Variants in LTBP2 observed in about 807,000 individuals in gnomAD.
The protein encoded by LTBP2 is latent transforming growth factor beta binding protein 2, also known as latent-transforming growth factor beta-binding protein 2.
A neutral mutation model predicts 210.6 loss-of-function variants in LTBP2; 103 were observed. That is an observed-to-expected ratio of 0.49 (90% CI 0.42 to 0.58). The LOEUF (loss-of-function observed/expected upper bound fraction) is 0.58. LTBP2 is among the 20% of genes least tolerant of loss of function. The pLI, the probability that LTBP2 is intolerant of heterozygous loss-of-function variation, is 0.00. For missense variants in LTBP2, 2,313 were observed against 2,494.5 expected (o/e 0.93, Z 1.55); for synonymous variants, 1,007 against 1,015.0 (o/e 0.99, Z 0.15).
intron 34 of LTBP2, among the ~76,000 whole-genome samples, chr14:74,502,281 G>C (rs1370788346): frequency 6.6e-6 from 1 of 152,170 alleles, no homozygotes. Context: ...CCACACTTCA[G>C]GTCACAAGTG....
At chr14:74,563,401 A>T (rs531458389) in intron 3 of LTBP2, among the ~76,000 whole-genome samples, 1 of 152,322 alleles carries the variant, frequency 6.6e-6, no homozygotes, top group African/African-American at 2.4e-5. Context: ...ACAGAATGAA[A>T]ACAACTTAAG....
chr14:74,581,157 C>T (rs1328871497), intron 3 of LTBP2, among the ~76,000 whole-genome samples: 1 of 152,182 alleles, frequency 6.6e-6, no homozygotes, highest in Non-Finnish European at 1.5e-5. Context: ...TAGGGCCACC[C>T]TTGTGGCAAG....
In LTBP2 at chr14:74,515,952, C is replaced by T. The variant is rs188119244; in HGVS notation, c.2908+870G>A. ...CTCTCCCCTTTGCTTCTCTGGACTT[C>T]GCTTCCATGGTAGTGGTATTGGGAA... On this transcript the variant is annotated intron_variant, in intron 18 of 35. Coordinates refer to ENST00000261978, the MANE Select transcript of LTBP2 (RefSeq NM_000428.3). Among the ~76,000 whole-genome samples the T allele has an allele frequency of 4.6e-5, 7 of 152,334 alleles. No homozygotes were observed. In the East Asian group the frequency reaches 5.8e-4, roughly 13 times the overall value.
At chr14:74,551,371 C>G in intron 6 of LTBP2, 21 bp from the exon 7 acceptor site, 1 of 1,540,770 alleles carries the variant, frequency 6.5e-7, no homozygotes, top group Non-Finnish European at 8.8e-7. Context: ...GGGCTAGAGT[C>G]AGAGCCAGGG....
chr14:74,506,665 G>A (rs1261076963), intron 27 of LTBP2, 33 bp downstream of exon 27: 1 of 1,610,954 alleles, frequency 6.2e-7, no homozygotes, highest in Admixed American at 1.7e-5. Context: ...CCCTTCCCTG[G>A]CCCAGACCTT....
intron 3 of LTBP2, among the ~76,000 whole-genome samples, chr14:74,573,543 C>G (rs61980909): frequency 0.38 from 57,983 of 151,828 alleles, 12,749 homozygotes; most frequent in Non-Finnish European, 0.5. Context: ...CACCAGAGGC[C>G]GCAGCCCTGT....
chr14:74,533,813 C>T (rs2087383079), intron 9 of LTBP2, among the ~76,000 whole-genome samples: 3 of 152,172 alleles, frequency 2.0e-5, no homozygotes, highest in African/African-American at 7.2e-5. Flanking sequence ...GAAGTCTCAG[C>T]CCTCACAATC....
chr14:74,603,882 G>C (rs190501497), intron 1 of LTBP2, among the ~76,000 whole-genome samples, 177 bp from the exon 2 acceptor site: 41 of 152,206 alleles, frequency 2.7e-4, no homozygotes, highest in African/African-American at 9.6e-4. Flanking sequence ...GCCATTCTCT[G>C]CACATCCCTG....
At position 74,508,617 on chromosome 14, in the gene LTBP2, G is replaced by A; in HGVS notation, c.3639C>T (p.Gly1213=). 6.2e-7 allele frequency: 1 copy of A among 1,608,684 alleles called. No individual in the cohort carries two copies. Among genetic ancestry groups the A allele is most frequent in the Non-Finnish European group, 8.5e-7 (1 of 1,179,820 alleles). Reference sequence around the variant, plus strand: ...CTGGCTTCTCACCCTGGCAGCTGGTGCCCCCCTCTGCGCTGACGAAGCCAG... The same window carrying A: ...CTGGCTTCTCACCCTGGCAGCTGGTACCCCCCTCTGCGCTGACGAAGCCAG... ...CAPGFVSAEG[G]TSCQDVDECA... Residue 1213 remains glycine (G), a synonymous_variant, in exon 24 of 36, where the codon GGC becomes GGT. Transcript: ENST00000261978.
chr14:74,535,834 G>A, intron 9 of LTBP2, 92 bp downstream of exon 9: 1 of 1,138,520 alleles, frequency 8.8e-7, no homozygotes, highest in East Asian at 2.4e-5. Flanking sequence ...ACTCAGTGGA[G>A]ACCACTCGGC....
At chr14:74,540,890 TATATTAAAAATA>T (rs2087497998) in intron 8 of LTBP2, among the ~76,000 whole-genome samples, 1 of 108,260 alleles carries the variant, frequency 9.2e-6, no homozygotes, top group Non-Finnish European at 1.8e-5. Flanking sequence ...ATATATATTA[TATATTAAAAATA>T]TATATATTTA....
At chr14:74,521,314 T>G (rs1012961530) in intron 17 of LTBP2, among the ~76,000 whole-genome samples, 1 of 152,208 alleles carries the variant, frequency 6.6e-6, no homozygotes, top group Non-Finnish European at 1.5e-5. Context: ...TTATATTATT[T>G]GTGAACTTAA....
chr14:74,605,628 T>G (rs1045071825), intron 1 of LTBP2, among the ~76,000 whole-genome samples: 6 of 152,158 alleles, frequency 3.9e-5, no homozygotes, highest in South Asian at 4.1e-4. Flanking sequence ...GGGAATTTTC[T>G]AAGAATTAGG....
Position 74,586,225 on chromosome 14 carries a change from G to A in LTBP2, c.566-107C>T, listed in dbSNP as rs1379594093. 16 of 1,297,338 alleles carry A rather than the reference G, an allele frequency of 1.2e-5. No homozygotes were observed. Among genetic ancestry groups the A allele is most frequent in the African/African-American group, 2.9e-5 (2 of 67,920 alleles). The allele number at this position is 1,297,338 out of a possible 1,614,324, so 80.4% of individuals were successfully genotyped here. ...CCCTCCTGAGTGCTGCAACCCTGTC[G>A]CTCAAGCAGGAAGCCACTCTCCTGG... is the stretch of plus-strand genomic sequence containing the variant. On this transcript the variant is annotated intron_variant, in intron 2 of 35. Transcript: ENST00000261978. This position sits in a 1 kb window ranked among gnomAD's most constrained non-coding sequence, Gnocchi z 4.6.
Position 74,498,530 on chromosome 14 carries a change from TA to T in LTBP2, c.*2353del, listed in dbSNP as rs896187750. The T allele has an allele frequency of 3.6e-4, 79 of 222,260 alleles. No individual in the cohort carries two copies. The highest frequency in any genetic ancestry group is 5.2e-4 in the East Asian group (8 of 15,372). 13.8% of individuals were successfully genotyped at this position (222,260 alleles called of 1,614,324 possible). On this transcript the variant is annotated 3_prime_UTR_variant, in exon 36 of 36. Coordinates refer to ENST00000261978, the MANE Select transcript of LTBP2 (RefSeq NM_000428.3). ...AATGAGGCAGCTCTAATTGCAAGTA[TA>T]AAAAAAAAGCAAAGTGCAGAACAGC...
At position 74,549,766 on chromosome 14, in the gene LTBP2, C is replaced by A. The variant is rs1011091453; in HGVS notation, c.1789+97G>T. ...CAGTTTACCAGCCTGTTCTACCTGCCTGGCCTCTGACATCCTGGAGGGGAA... is the reference window on the plus strand; with the variant it reads ...CAGTTTACCAGCCTGTTCTACCTGCATGGCCTCTGACATCCTGGAGGGGAA... On this transcript the variant is annotated intron_variant, in intron 8 of 35. Transcript: ENST00000261978. The A allele has an allele frequency of 2.3e-5, 23 of 1,010,588 alleles. No homozygotes were observed. The African/African-American group carries it at 3.5e-4, about 15-fold the overall frequency. The allele number at this position is 1,010,588 out of a possible 1,614,324, so 62.6% of individuals were successfully genotyped here.
At chr14:74,538,892 G>C (rs2087457145) in intron 8 of LTBP2, among the ~76,000 whole-genome samples, 1 of 152,236 alleles carries the variant, frequency 6.6e-6, no homozygotes, top group Non-Finnish European at 1.5e-5. Context: ...GGAAAGATGA[G>C]AGTGAGGCTG....
At chr14:74,595,603 C>A (rs1469469921) in intron 2 of LTBP2, among the ~76,000 whole-genome samples, 1 of 152,170 alleles carries the variant, frequency 6.6e-6, no homozygotes, top group East Asian at 1.9e-4. Context: ...GCACCAGCCC[C>A]GCGCCCAGGC....
rs143502322 is a variant in LTBP2, at chr14:74,556,800, G to A, written c.831-1107C>T. Among the ~76,000 whole-genome samples, 207 of 152,314 alleles carry A rather than the reference G, an allele frequency of 1.4e-3. 4 individuals are homozygous for A. The highest frequency in any genetic ancestry group is 3.9e-4 in the East Asian group (2 of 5,176). On this transcript the variant is annotated intron_variant, in intron 3 of 35. Coordinates refer to ENST00000261978, the MANE Select transcript of LTBP2 (RefSeq NM_000428.3). Reference sequence around the variant, plus strand: ...CCCAAAGTGTTGGGATTACAGGCGTGAGCCACTGCACCTGGACTGTTTTTA... The same window carrying A: ...CCCAAAGTGTTGGGATTACAGGCGTAAGCCACTGCACCTGGACTGTTTTTA...
Sources: allele counts gnomAD v4.1 joint callset (sites outside exome capture counted in the v4.1 genomes callset), GRCh38; gene constraint gnomAD v4.1.1; non-coding constraint Gnocchi (gnomAD v3.1); transcripts MANE v1.5; gene names NCBI Gene and HGNC (gene_info 2026-07-23, HGNC 2026-07-21).